CNTNAP2: variants seen among roughly 807,000 people sequenced by gnomAD.
CNTNAP2 encodes contactin-associated protein-like 2.
In CNTNAP2, 98 loss-of-function variants were observed where a neutral mutation model predicts 155.2. The observed-to-expected ratio is 0.63, with a 90% confidence interval of 0.54 to 0.75. The LOEUF (loss-of-function observed/expected upper bound fraction) is 0.75, where lower values mean the gene tolerates loss of function less well. CNTNAP2 is among the 30% of genes least tolerant of loss of function. The pLI is 0.00. For missense variants in CNTNAP2, 1,727 were observed against 1,688.1 expected (o/e 1.02, Z -0.40); for synonymous variants, 651 against 631.2 (o/e 1.03, Z -0.47).
At chr7:147,079,593 A>G (rs910629681) in intron 4 of CNTNAP2, among the ~76,000 whole-genome samples, 4 of 148,970 alleles carry the variant, frequency 2.7e-5, no homozygotes, top group African/African-American at 9.9e-5. Context: ...TTAAAGTATA[A>G]TAATAATAAT....
intron 1 of CNTNAP2, among the ~76,000 whole-genome samples, chr7:146,131,971 G>A (rs867754741): frequency 7.2e-5 from 11 of 152,070 alleles, no homozygotes; most frequent in South Asian, 2.1e-4. Flanking sequence ...CCTTTCTGCC[G>A]TGATTGTAAG....
intron 3 of CNTNAP2, among the ~76,000 whole-genome samples, chr7:146,952,985 A>T (rs1322033747): frequency 6.6e-6 from 1 of 152,066 alleles, no homozygotes; most frequent in African/African-American, 2.4e-5. Context: ...ATGATAGTTG[A>T]TCTGTGTTCA....
intron 1 of CNTNAP2, among the ~76,000 whole-genome samples, chr7:146,471,036 G>A (rs188762226): frequency 3.6e-4 from 55 of 152,138 alleles, no homozygotes; most frequent in Non-Finnish European, 4.6e-4. Flanking sequence ...ACTTACATGG[G>A]TTAATAAAAA....
chr7:147,939,280 G>A (rs1800671642), intron 14 of CNTNAP2, among the ~76,000 whole-genome samples: 1 of 151,714 alleles, frequency 6.6e-6, no homozygotes, highest in African/African-American at 2.4e-5. Flanking sequence ...GAGGTAAGAA[G>A]AAAAATCAGG....
In CNTNAP2 at chr7:147,165,216, T is replaced by C. The variant is rs527603791; in HGVS notation, c.1348+32707T>C. The stretch of plus-strand genomic sequence containing the variant: ...CTTGCAGGAGTAAGGGGGTATTGCA[T>C]TGTGGTTTTGATTTGTACTTCCCTG... On this transcript the variant is annotated intron_variant, in intron 8 of 23. Coordinates refer to ENST00000361727, the MANE Select transcript of CNTNAP2 (RefSeq NM_014141.6). Among the ~76,000 whole-genome samples the C allele has an allele frequency of 5.3e-5, 8 of 152,236 alleles. No individual in the cohort carries two copies. In the East Asian group the frequency reaches 1.2e-3, roughly 22 times the overall value.
At chr7:146,371,916 G>A (rs1201678777) in intron 1 of CNTNAP2, among the ~76,000 whole-genome samples, 2 of 149,398 alleles carry the variant, frequency 1.3e-5, no homozygotes, top group African/African-American at 5.0e-5. Context: ...CCAAGATCGC[G>A]CCACTGCACT....
chr7:147,637,959 A>G (rs925490565), intron 12 of CNTNAP2, among the ~76,000 whole-genome samples: 1 of 152,196 alleles, frequency 6.6e-6, no homozygotes, highest in Non-Finnish European at 1.5e-5. Context: ...TGGTTTCATT[A>G]AGGTTCCTAT....
chr7:146,348,931 G>T (rs1042528601), intron 1 of CNTNAP2, among the ~76,000 whole-genome samples: 3 of 151,508 alleles, frequency 2.0e-5, no homozygotes, highest in African/African-American at 7.3e-5. Context: ...CTTCTTATAA[G>T]TTCATCAGTT....
intron 8 of CNTNAP2, among the ~76,000 whole-genome samples, chr7:147,178,949 T>A (rs537450287): frequency 4.6e-5 from 7 of 152,152 alleles, no homozygotes; most frequent in Non-Finnish European, 1.0e-4. Context: ...GGACTCCAGA[T>A]AAAGCAGGGG....
intron 3 of CNTNAP2, among the ~76,000 whole-genome samples, chr7:146,977,483 T>C (rs999713038): frequency 6.6e-6 from 1 of 152,248 alleles, no homozygotes; most frequent in Non-Finnish European, 1.5e-5. Flanking sequence ...AGGAGTCTCC[T>C]GTCCTTGATG....
At chr7:147,928,481 A>C (rs2116794082) in intron 14 of CNTNAP2, among the ~76,000 whole-genome samples, 1 of 152,212 alleles carries the variant, frequency 6.6e-6, no homozygotes, top group Non-Finnish European at 1.5e-5. Flanking sequence ...TAGCTTATTT[A>C]TTTATTTTTT....
chr7:146,679,450 G>C (rs1302124600), intron 1 of CNTNAP2, among the ~76,000 whole-genome samples: 1 of 142,256 alleles, frequency 7.0e-6, no homozygotes, highest in Non-Finnish European at 1.5e-5. Context: ...CCACCTCCCA[G>C]GTTCAAGCAA....
chr7:147,090,028 C>T (rs1800367766), intron 4 of CNTNAP2, among the ~76,000 whole-genome samples: 2 of 152,114 alleles, frequency 1.3e-5, no homozygotes, highest in South Asian at 4.1e-4. Flanking sequence ...CTCTCTTCCT[C>T]ACTGGGGAGA....
chr7:147,302,334 C>T (rs1794958935), intron 9 of CNTNAP2, among the ~76,000 whole-genome samples: 1 of 152,164 alleles, frequency 6.6e-6, no homozygotes, highest in Non-Finnish European at 1.5e-5. Flanking sequence ...GAGGGGCGAG[C>T]ACATAGCTGT....
intron 12 of CNTNAP2, among the ~76,000 whole-genome samples, chr7:147,583,874 C>A (rs1461740720): frequency 6.6e-6 from 1 of 152,028 alleles, no homozygotes; most frequent in Non-Finnish European, 1.5e-5. Flanking sequence ...TAGCATCTCA[C>A]AATCTCTATT....
At chr7:146,848,970 G>A (rs529642306) in intron 3 of CNTNAP2, among the ~76,000 whole-genome samples, 14 of 152,114 alleles carry the variant, frequency 9.2e-5, no homozygotes, top group Admixed American at 3.9e-4. Flanking sequence ...ACGTAGAGAC[G>A]GGGTTTCGCC....
intron 1 of CNTNAP2, among the ~76,000 whole-genome samples, chr7:146,245,614 G>T (rs1799634560): frequency 6.6e-6 from 1 of 151,978 alleles, no homozygotes. Context: ...TTTTGTAAGG[G>T]ATTGAGGTTT....
At chr7:148,306,953 T>A (rs556820679) in intron 21 of CNTNAP2, among the ~76,000 whole-genome samples, 2 of 152,098 alleles carry the variant, frequency 1.3e-5, no homozygotes, top group South Asian at 4.2e-4. Flanking sequence ...TGGGCTTCAG[T>A]GGCTGAGTTG....
chr7:148,297,428 C>A (rs1346917690), intron 21 of CNTNAP2, among the ~76,000 whole-genome samples: 1 of 152,142 alleles, frequency 6.6e-6, no homozygotes, highest in African/African-American at 2.4e-5. Context: ...CAGCCACTGA[C>A]CACTAGGAGC....
Sources: gnomAD v4.1 joint callset for allele counts (sites outside exome capture counted in the v4.1 genomes callset) on GRCh38, gnomAD v4.1.1 for gene constraint, MANE v1.5 for transcripts, NCBI Gene and HGNC (gene_info 2026-07-23, HGNC 2026-07-21) for gene names.